The following ZNF608 variants were observed in gnomAD, a reference collection of about 807,000 sequenced individuals.
ZNF608 encodes renal carcinoma antigen NY-REN-36.
ZNF608 carries 12 observed loss-of-function variants against 109.0 expected under a neutral mutation model. That is an observed-to-expected ratio of 0.11 (90% CI 0.07 to 0.18). The LOEUF (loss-of-function observed/expected upper bound fraction) is 0.18. Among genes scored for constraint, ZNF608 ranks in the 10% least tolerant of loss-of-function variants. The pLI is 1.00. For synonymous variants in ZNF608, 732 were observed against 717.4 expected (o/e 1.02, Z -0.33); for missense variants, 1,707 against 1,879.3 (o/e 0.91, Z 1.70).
upstream of ZNF608, among the ~76,000 whole-genome samples, chr5:124,748,331 GC>G (rs1182867367): frequency 6.6e-6 from 1 of 152,176 alleles, no homozygotes; most frequent in African/African-American, 2.4e-5. Context: ...TACCCCGAGT[GC>G]CCAGTCAAGC....
At chr5:124,689,239 C>T (rs1364192535) in intron 3 of ZNF608, among the ~76,000 whole-genome samples, 1 of 152,074 alleles carries the variant, frequency 6.6e-6, no homozygotes, top group Non-Finnish European at 1.5e-5. Flanking sequence ...TATGATTGTA[C>T]TACTGCACTC....
chr5:124,735,558 C>T (rs923155610), intron 2 of ZNF608, among the ~76,000 whole-genome samples: 2 of 152,182 alleles, frequency 1.3e-5, no homozygotes, highest in Admixed American at 6.5e-5. Context: ...ATGCAAAAGT[C>T]AAAGGGAGAG....
chr5:124,721,453 G>A (rs1221670176), intron 2 of ZNF608, among the ~76,000 whole-genome samples: 1 of 152,102 alleles, frequency 6.6e-6, no homozygotes, highest in Non-Finnish European at 1.5e-5. Context: ...CAGGCTGGCA[G>A]GGGAAACATG....
At chr5:124,693,787 CATAAAACA>C (rs1752711898) in intron 3 of ZNF608, among the ~76,000 whole-genome samples, 1 of 151,956 alleles carries the variant, frequency 6.6e-6, no homozygotes, top group South Asian at 2.1e-4. Flanking sequence ...ATCGGGAAAG[CATAAAACA>C]AGTAGGTCCA....
intron 2 of ZNF608, among the ~76,000 whole-genome samples, chr5:124,703,799 C>G (rs1002196552): frequency 2.0e-5 from 3 of 152,070 alleles, no homozygotes; most frequent in Non-Finnish European, 4.4e-5. Context: ...ACAACAAATG[C>G]ACTTTTCAGC....
intron 3 of ZNF608, among the ~76,000 whole-genome samples, chr5:124,683,050 C>G (rs986723443): frequency 6.6e-6 from 1 of 152,030 alleles, no homozygotes; most frequent in African/African-American, 2.4e-5. Context: ...CCCTCTCTAT[C>G]TGATCTTGCT....
chr5:124,639,251 A>G lies in ZNF608; in HGVS notation c.4451-37T>C, dbSNP rs374958293. ...AAAATGTAGAGTGTCTGTGATCTTT[A>G]GAAGGATAAGAGTAGATACAGGCCC... On this transcript the variant is annotated intron_variant, in intron 8 of 9. Transcript: ENST00000513986. 7.5e-6 allele frequency: 12 copies of G among 1,595,568 alleles called. No individual in the cohort carries two copies. In the African/African-American group the frequency reaches 1.1e-4, roughly 14 times the overall value.
At chr5:124,731,817 C>T (rs958346417) in intron 2 of ZNF608, among the ~76,000 whole-genome samples, 1 of 152,068 alleles carries the variant, frequency 6.6e-6, no homozygotes, top group African/African-American at 2.4e-5. Flanking sequence ...CAAAGCAAGA[C>T]TCCATCTCAA....
intron 2 of ZNF608, among the ~76,000 whole-genome samples, chr5:124,719,513 C>T (rs1165919868): frequency 2.0e-5 from 3 of 152,164 alleles, no homozygotes; most frequent in African/African-American, 7.2e-5. Flanking sequence ...TTCACCACTT[C>T]AAAATCAGCA....
intron 3 of ZNF608, among the ~76,000 whole-genome samples, chr5:124,689,620 A>G (rs776944763): frequency 2.0e-5 from 3 of 152,244 alleles, no homozygotes; most frequent in Non-Finnish European, 4.4e-5. Context: ...AAAGATATAC[A>G]GATGGCTGGT....
intron 3 of ZNF608, among the ~76,000 whole-genome samples, chr5:124,655,769 C>T (rs1580554150): frequency 1.3e-5 from 2 of 152,346 alleles, no homozygotes; most frequent in Admixed American, 6.5e-5. Context: ...GTTGTCGTCA[C>T]TCTGTGGTAT....
chr5:124,642,053 C>T (rs1750268206), intron 7 of ZNF608, among the ~76,000 whole-genome samples: 1 of 152,192 alleles, frequency 6.6e-6, no homozygotes, highest in Non-Finnish European at 1.5e-5. Context: ...ATACTTCTCA[C>T]TTAAAAGAAA....
intron 2 of ZNF608, among the ~76,000 whole-genome samples, chr5:124,741,635 A>T (rs1749407790): frequency 6.6e-6 from 1 of 152,108 alleles, no homozygotes; most frequent in Admixed American, 6.5e-5. Flanking sequence ...GGTCCTACTA[A>T]ATCTTTACTT....
chr5:124,691,038 A>G (rs1446866038), intron 3 of ZNF608, among the ~76,000 whole-genome samples: 4 of 152,042 alleles, frequency 2.6e-5, no homozygotes, highest in African/African-American at 9.7e-5. Flanking sequence ...CTATAATCCC[A>G]GGAACTCAAG....
intron 3 of ZNF608, among the ~76,000 whole-genome samples, chr5:124,653,896 TG>T (rs1185974768): frequency 6.6e-6 from 1 of 152,216 alleles, no homozygotes; most frequent in African/African-American, 2.4e-5. Context: ...ACTGCACTGT[TG>T]GTGCAACACC....
intron 3 of ZNF608, among the ~76,000 whole-genome samples, chr5:124,683,984 TGTCA>T (rs1752304947): frequency 6.6e-6 from 1 of 152,162 alleles, no homozygotes; most frequent in Non-Finnish European, 1.5e-5. Context: ...ATAAAATAAA[TGTCA>T]GTCTACTCAA....
Position 124,648,257 on chromosome 5 carries a change from T to G in ZNF608, c.2127A>C (p.Lys709Asn). The G allele has an allele frequency of 6.2e-7, 1 of 1,614,224 alleles. No homozygotes were observed. Among genetic ancestry groups the G allele is most frequent in the South Asian group, 1.1e-5 (1 of 91,090 alleles). ...TGCCCTTTTCTTTATCTCCTAAATTTTTCTTGTCAATTAATCCTTCTGCTT... is the reference window on the plus strand; with the variant it reads ...TGCCCTTTTCTTTATCTCCTAAATTGTTCTTGTCAATTAATCCTTCTGCTT... ...KLEAEGLIDK[K>N]NLGDKEKGKK... Residue 709 changes from lysine (K) to asparagine (N), a missense_variant, in exon 5 of 10, where the codon AAA becomes AAC. Lys to Asn is a moderately conservative substitution (Grantham distance 94). Transcript: ENST00000513986.
At chr5:124,638,907 T>TA in intron 9 of ZNF608, 1 of 885,140 alleles carries the variant, frequency 1.1e-6, no homozygotes, top group African/African-American at 1.7e-5. Context: ...TTCAACTGTC[T>TA]AAAAAACTAA....
chr5:124,696,815 T>C (rs1314690763), intron 3 of ZNF608, among the ~76,000 whole-genome samples: 1 of 152,218 alleles, frequency 6.6e-6, no homozygotes, highest in Non-Finnish European at 1.5e-5. Flanking sequence ...TACATGTGTC[T>C]TCCTTACAGA....
Sources: gnomAD v4.1 joint callset for allele counts (sites outside exome capture counted in the v4.1 genomes callset) on GRCh38, gnomAD v4.1.1 for gene constraint, MANE v1.5 for transcripts, NCBI Gene and HGNC (gene_info 2026-07-23, HGNC 2026-07-21) for gene names.